IQCH: variants seen among roughly 807,000 people sequenced by gnomAD.
IQCH encodes IQ domain-containing protein H.
Under a neutral mutation model 117.0 loss-of-function variants are expected in IQCH, and 98 were observed. The ratio of observed to expected loss-of-function variants is 0.84; its 90% CI spans 0.71 to 0.99. The LOEUF (loss-of-function observed/expected upper bound fraction) is 0.99, where lower values mean the gene tolerates loss of function less well. Ranked by LOEUF, IQCH falls within the 50% of genes least tolerant of loss-of-function variation. The probability of loss-of-function intolerance (pLI) is 0.00; values close to 1 mark genes in which losing one functional copy is unlikely to be tolerated. For missense variants in IQCH, 1,102 were observed against 1,243.8 expected, an observed-to-expected ratio of 0.89 and a Z score of 1.72; for synonymous variants, 412 against 448.2, an observed-to-expected ratio of 0.92 and a Z score of 1.02.
intron 3 of IQCH, among the ~76,000 whole-genome samples, chr15:67,268,421 A>G (rs1464109748): frequency 1.3e-5 from 2 of 152,166 alleles, no homozygotes; most frequent in African/African-American, 4.8e-5. Context: ...TCCTCTTACC[A>G]TTGCTGGCTT....
Position 67,373,488 on chromosome 15 carries a change from T to A in IQCH, c.1372+55T>A, listed in dbSNP as rs765169941. On this transcript the variant is annotated intron_variant, in intron 10 of 20. Transcript: ENST00000335894. ...GCAACCTCTATTACCCACCACATTA[T>A]GGCTCCTTGATTGAGTTCAAGGAAG... 2.6e-6 allele frequency: 3 copies of A among 1,153,338 alleles called. No homozygotes were observed. In the East Asian group the frequency reaches 7.0e-5, roughly 27 times the overall value. The allele number at this position is 1,153,338 out of a possible 1,614,324, so 71.4% of individuals were successfully genotyped here. A position where few individuals can be genotyped will look rare whatever the true frequency, so the allele number is the denominator to read the frequency against.
At position 67,473,098 on chromosome 15, in the gene IQCH, T is replaced by C. The variant is rs1409842243; in HGVS notation, c.2677-2598T>C. Among the ~76,000 whole-genome samples, 1 of 152,218 alleles carries C rather than the reference T, an allele frequency of 6.6e-6. No individual in the cohort carries two copies. Among genetic ancestry groups the C allele is most frequent in the African/African-American group, 2.4e-5 (1 of 41,466 alleles). On this transcript the variant is annotated intron_variant, in intron 17 of 20. Transcript: ENST00000335894. This position sits in a 1 kb window ranked among gnomAD's most constrained non-coding sequence, Gnocchi z 4.9. ...GTCTTGGTTTTTCTTGTTTATATAC[T>C]ATGGCAGCATCAGACAAGTTTAGAA...
intron 4 of IQCH, among the ~76,000 whole-genome samples, chr15:67,328,495 CTA>C (rs1444258825): frequency 6.6e-6 from 1 of 151,942 alleles, no homozygotes; most frequent in East Asian, 1.9e-4. Context: ...AAAAGAAAAA[CTA>C]TAGAAAATCA....
chr15:67,452,649 C>T (rs1260137386), intron 16 of IQCH, among the ~76,000 whole-genome samples: 23 of 149,444 alleles, frequency 1.5e-4, no homozygotes, highest in South Asian at 4.3e-4. Flanking sequence ...TCTCTGGCTG[C>T]CCTTAACATT....
At chr15:67,293,698 G>C (rs1161488879) in intron 4 of IQCH, among the ~76,000 whole-genome samples, 2 of 152,204 alleles carry the variant, frequency 1.3e-5, no homozygotes, top group Non-Finnish European at 2.9e-5. Flanking sequence ...GAAAAGCTGG[G>C]AAAGGAACAT....
chr15:67,337,251 T>C (rs892519137), intron 5 of IQCH, among the ~76,000 whole-genome samples, 156 bp downstream of exon 5: 1 of 152,170 alleles, frequency 6.6e-6, no homozygotes, highest in African/African-American at 2.4e-5. Context: ...AGTTTCCTGC[T>C]CTGTAAATTA....
chr15:67,293,360 G>A (rs1966815916), intron 4 of IQCH, among the ~76,000 whole-genome samples: 1 of 152,072 alleles, frequency 6.6e-6, no homozygotes, highest in Non-Finnish European at 1.5e-5. Context: ...TGGGGGATTG[G>A]TCCCATGATC....
intron 10 of IQCH, among the ~76,000 whole-genome samples, chr15:67,378,516 C>T (rs1266694971): frequency 6.7e-6 from 1 of 150,040 alleles, no homozygotes; most frequent in South Asian, 2.2e-4. Flanking sequence ...CCAGAAATAT[C>T]CAGATCTTTC....
intron 4 of IQCH, among the ~76,000 whole-genome samples, chr15:67,331,426 C>G (rs1443478323): frequency 1.3e-5 from 2 of 151,934 alleles, no homozygotes; most frequent in Non-Finnish European, 2.9e-5. Context: ...AATTGAATAC[C>G]AGAATACTTT....
intron 3 of IQCH, among the ~76,000 whole-genome samples, chr15:67,273,646 A>G (rs1363990727): frequency 2.0e-5 from 3 of 152,144 alleles, no homozygotes; most frequent in Non-Finnish European, 2.9e-5. Flanking sequence ...TGCTGTAGCT[A>G]TTACTGTTTT....
At chr15:67,291,977 A>T (rs1010060001) in intron 4 of IQCH, among the ~76,000 whole-genome samples, 3 of 152,170 alleles carry the variant, frequency 2.0e-5, no homozygotes, top group African/African-American at 7.2e-5. Flanking sequence ...ATTAAATAAA[A>T]CCTAATGCAC....
chr15:67,383,287 G>T (rs1277142347), intron 10 of IQCH, among the ~76,000 whole-genome samples: 1 of 152,162 alleles, frequency 6.6e-6, no homozygotes, highest in Non-Finnish European at 1.5e-5. Flanking sequence ...TGTATTCTAT[G>T]TAGACATTTT....
chr15:67,355,838 G>T (rs1390605066), intron 6 of IQCH, among the ~76,000 whole-genome samples: 1 of 152,168 alleles, frequency 6.6e-6, no homozygotes, highest in Non-Finnish European at 1.5e-5. Flanking sequence ...TAGCATTTCT[G>T]CAGACAGCTA....
rs1971184500 is a variant in IQCH, at chr15:67,388,689, G to A, written c.1457-142G>A. The A allele has an allele frequency of 3.0e-6, 2 of 662,224 alleles. 1 individual carries two copies. Among genetic ancestry groups the A allele is most frequent in the Non-Finnish European group, 5.0e-6 (2 of 397,882 alleles). 41.0% of individuals were successfully genotyped at this position (662,224 alleles called of 1,614,324 possible). On this transcript the variant is annotated intron_variant, in intron 11 of 20. Coordinates refer to ENST00000335894, the MANE Select transcript of IQCH (RefSeq NM_001031715.3). The surrounding 1 kb of genome is among the most constrained non-coding windows in gnomAD (Gnocchi z 5.5). ...AAAAGCCAGTTAGATTGCTCAGATA[G>A]TACAAAACCAAACTAAATTAACCTT...
At chr15:67,471,324 TA>T (rs2083066581) in intron 17 of IQCH, among the ~76,000 whole-genome samples, 1 of 152,258 alleles carries the variant, frequency 6.6e-6, no homozygotes, top group African/African-American at 2.4e-5. Context: ...TTATCAAACC[TA>T]CATAAATTGT....
At chr15:67,347,843 AT>A (rs898224626) in intron 6 of IQCH, among the ~76,000 whole-genome samples, 1 of 43,534 alleles carries the variant, frequency 2.3e-5, no homozygotes, top group African/African-American at 8.1e-5. Context: ...ATATATAGAT[AT>A]TTTTATATAT....
Position 67,459,921 on chromosome 15 carries a change from G to A in IQCH, c.2506-5206G>A, listed in dbSNP as rs1361950995. Reference sequence around the variant, plus strand: ...CCAACACTTTTGGAGGCCAAGGCGAGAGTATCATTTGAACGCAGGAGTTTG... The same window carrying A: ...CCAACACTTTTGGAGGCCAAGGCGAAAGTATCATTTGAACGCAGGAGTTTG... On this transcript the variant is annotated intron_variant, in intron 16 of 20. Transcript: ENST00000335894. The surrounding 1 kb of genome is among the most constrained non-coding windows in gnomAD (Gnocchi z 4.2). 6.6e-6 allele frequency: 1 copy of A among 152,178 alleles called. No homozygotes were observed. Among genetic ancestry groups the A allele is most frequent in the East Asian group, 1.9e-4 (1 of 5,194 alleles). The allele number at this position is 152,178 out of a possible 1,614,324, so 9.4% of individuals were successfully genotyped here. A position where few individuals can be genotyped will look rare whatever the true frequency, so the allele number is the denominator to read the frequency against.
chr15:67,264,154 C>T (rs1376274524), intron 3 of IQCH, among the ~76,000 whole-genome samples: 1 of 152,246 alleles, frequency 6.6e-6, no homozygotes, highest in Non-Finnish European at 1.5e-5. Flanking sequence ...CATCCATCAT[C>T]CTTTGGTAGA....
In IQCH at chr15:67,426,572, C is replaced by G. The variant is rs62016029; in HGVS notation, c.2505+4995C>G. The stretch of plus-strand genomic sequence containing the variant: ...CAATAAAAAATACCAAAAAAAAACC[C>G]AACCTCATACTCATTATTTAAACTT... On this transcript the variant is annotated intron_variant, in intron 16 of 20. Coordinates refer to ENST00000335894, the MANE Select transcript of IQCH (RefSeq NM_001031715.3). The surrounding 1 kb of genome is among the most constrained non-coding windows in gnomAD (Gnocchi z 5.1). Among the ~76,000 whole-genome samples, 1 of 151,156 alleles carries G rather than the reference C, an allele frequency of 6.6e-6. No homozygotes were observed. Among genetic ancestry groups the G allele is most frequent in the Non-Finnish European group, 1.5e-5 (1 of 67,780 alleles).
Sources: gnomAD v4.1 joint callset for allele counts (sites outside exome capture counted in the v4.1 genomes callset) on GRCh38, gnomAD v4.1.1 for gene constraint, Gnocchi (gnomAD v3.1) non-coding constraint, MANE v1.5 for transcripts, NCBI Gene and HGNC (gene_info 2026-07-23, HGNC 2026-07-21) for gene names.